Variants in IQCJ observed in about 807,000 individuals in gnomAD.
IQCJ encodes IQ motif containing J.
Under a neutral mutation model 11.0 loss-of-function variants are expected in IQCJ, and 9 were observed. The ratio of observed to expected loss-of-function variants is 0.82; its 90% CI spans 0.49 to 1.43. The LOEUF (loss-of-function observed/expected upper bound fraction) is 1.43, where lower values mean the gene tolerates loss of function less well. IQCJ is among the 40% of genes most tolerant of loss of function. The pLI, the probability that IQCJ is intolerant of heterozygous loss-of-function variation, is 0.00. For missense variants in IQCJ, 146 were observed against 133.2 expected, an observed-to-expected ratio of 1.10 and a Z score of -0.47; for synonymous variants, 55 against 51.3, an observed-to-expected ratio of 1.07 and a Z score of -0.31.
chr3:159,220,798 A>G (rs1725491284), intron 1 of IQCJ, among the ~76,000 whole-genome samples: 1 of 152,194 alleles, frequency 6.6e-6, no homozygotes, highest in Non-Finnish European at 1.5e-5. Context: ...CAGCCTAGCC[A>G]CTAACTATGG....
At chr3:159,165,455 T>A (rs73029412) in intron 1 of IQCJ, among the ~76,000 whole-genome samples, 2,181 of 152,292 alleles carry the variant, frequency 0.014, 64 homozygotes, top group African/African-American at 0.049. Flanking sequence ...CTTTGGTTTA[T>A]CCCTCAGATT....
At chr3:159,161,782 T>A (rs948204364) in intron 1 of IQCJ, among the ~76,000 whole-genome samples, 1 of 152,290 alleles carries the variant, frequency 6.6e-6, no homozygotes, top group African/African-American at 2.4e-5. Context: ...ATTTATTAAA[T>A]AGGGAATCCT....
In IQCJ at chr3:159,116,092, G is replaced by A. The variant is rs190149762; in HGVS notation, c.9+46651G>A. Among the ~76,000 whole-genome samples, 277 of 152,104 alleles carry A rather than the reference G, an allele frequency of 1.8e-3. 2 individuals carry two copies. Among genetic ancestry groups the A allele is most frequent in the Non-Finnish European group, 1.8e-3 (125 of 67,992 alleles). On this transcript the variant is annotated intron_variant, in intron 1 of 3. Transcript: ENST00000397832. ...AATAATTAAAAATAAATAAATACTG[G>A]GCATGGGTGGGGCACAACTGTGGTC...
intron 1 of IQCJ, among the ~76,000 whole-genome samples, chr3:159,198,983 A>T (rs550940929): frequency 3.8e-4 from 58 of 152,316 alleles, no homozygotes; most frequent in African/African-American, 1.4e-3. Flanking sequence ...ACCCTTTAAG[A>T]AATATTCACT....
chr3:159,183,932 G>T (rs568124215), intron 1 of IQCJ, among the ~76,000 whole-genome samples: 6 of 151,312 alleles, frequency 4.0e-5, no homozygotes, highest in Admixed American at 2.0e-4. Context: ...CCCTACCATT[G>T]CTTGCCCAAA....
At position 159,144,661 on chromosome 3, in the gene IQCJ, G is replaced by GACACACAC. The variant is rs10561081; in HGVS notation, c.9+75242_9+75249dup. On this transcript the variant is annotated intron_variant, in intron 1 of 3. Transcript: ENST00000397832. ...AGACGTACACACACATACACACACA[G>GACACACAC]ACACACACACACACACACACACACA... Among the ~76,000 whole-genome samples the GACACACAC allele has an allele frequency of 2.4e-3, 362 of 150,336 alleles. 1 individual carries two copies. Among genetic ancestry groups the GACACACAC allele is most frequent in the African/African-American group, 8.2e-3 (335 of 40,988 alleles).
chr3:159,203,767 G>A (rs1193577653), intron 1 of IQCJ, among the ~76,000 whole-genome samples: 3 of 152,108 alleles, frequency 2.0e-5, no homozygotes, highest in African/African-American at 7.2e-5. Flanking sequence ...ACCAAAACGA[G>A]CACCACTTTC....
chr3:159,198,081 G>A (rs2108057700), intron 1 of IQCJ, among the ~76,000 whole-genome samples: 1 of 152,174 alleles, frequency 6.6e-6, no homozygotes, highest in South Asian at 2.1e-4. Flanking sequence ...TTTAAAAGTA[G>A]GTCGTAATGA....
chr3:159,153,919 A>T (rs1004378281), intron 1 of IQCJ, among the ~76,000 whole-genome samples: 1 of 152,216 alleles, frequency 6.6e-6, no homozygotes, highest in Non-Finnish European at 1.5e-5. Context: ...GACTGGTTCC[A>T]TGGTATAACT....
chr3:159,087,859 C>G (rs1440517399), intron 1 of IQCJ, among the ~76,000 whole-genome samples: 1 of 150,592 alleles, frequency 6.6e-6, no homozygotes, highest in African/African-American at 2.4e-5. Context: ...TTGATCCTTT[C>G]AAAAAACCAG....
chr3:159,070,936 A>G (rs1394776675), intron 1 of IQCJ, among the ~76,000 whole-genome samples: 1 of 151,974 alleles, frequency 6.6e-6, no homozygotes, highest in African/African-American at 2.4e-5. Context: ...TTTTTGCTTC[A>G]TGATAATGAT....
At chr3:159,157,105 A>C (rs919462026) in intron 1 of IQCJ, among the ~76,000 whole-genome samples, 12 of 152,182 alleles carry the variant, frequency 7.9e-5, no homozygotes, top group Admixed American at 5.9e-4. Context: ...TAATACTGAA[A>C]TTAATTTGCA....
chr3:159,209,407 A>G (rs1724827289), intron 1 of IQCJ, among the ~76,000 whole-genome samples: 1 of 151,984 alleles, frequency 6.6e-6, no homozygotes, highest in African/African-American at 2.4e-5. Context: ...AAGTCTCCCC[A>G]TTCACCACCC....
intron 1 of IQCJ, among the ~76,000 whole-genome samples, chr3:159,111,707 G>A (rs781145333): frequency 1.8e-4 from 27 of 152,194 alleles, no homozygotes; most frequent in Non-Finnish European, 3.2e-4. Flanking sequence ...CACCTTAGCA[G>A]TCAGCACTGC....
chr3:159,084,646 C>G (rs1039042529), intron 1 of IQCJ, among the ~76,000 whole-genome samples: 1 of 152,126 alleles, frequency 6.6e-6, no homozygotes, highest in Non-Finnish European at 1.5e-5. Flanking sequence ...CAGGGTCACA[C>G]AGCTGGTAAT....
chr3:159,168,072 G>A (rs553926270), intron 1 of IQCJ, among the ~76,000 whole-genome samples: 19 of 152,286 alleles, frequency 1.2e-4, no homozygotes, highest in Non-Finnish European at 2.5e-4. Flanking sequence ...GCCTCAGAGA[G>A]GGGGCCACAG....
intron 1 of IQCJ, 109 bp from the exon 2 acceptor site, chr3:159,245,734 A>G (rs1727231016): frequency 3.2e-6 from 3 of 936,382 alleles, no homozygotes; most frequent in Admixed American, 5.1e-5. Flanking sequence ...AGTGCAGTCC[A>G]GAACTCTTAA....
intron 1 of IQCJ, among the ~76,000 whole-genome samples, chr3:159,189,551 T>C (rs950522871): frequency 6.6e-6 from 1 of 152,166 alleles, no homozygotes; most frequent in African/African-American, 2.4e-5. Context: ...TGAAACTGAT[T>C]GGAGTAGACA....
intron 1 of IQCJ, among the ~76,000 whole-genome samples, chr3:159,121,094 C>A (rs1054905978): frequency 1.3e-5 from 2 of 152,026 alleles, no homozygotes; most frequent in African/African-American, 4.8e-5. Flanking sequence ...ATATACCCAG[C>A]CTATGCTGCA....
Sources: gnomAD v4.1 joint callset for allele counts (sites outside exome capture counted in the v4.1 genomes callset) on GRCh38, gnomAD v4.1.1 for gene constraint, MANE v1.5 for transcripts, NCBI Gene and HGNC (gene_info 2026-07-23, HGNC 2026-07-21) for gene names.